Variants in MTMR14 observed in about 807,000 individuals in gnomAD.
The protein encoded by MTMR14 is myotubularin related protein 14.
A neutral mutation model predicts 86.3 loss-of-function variants in MTMR14; 48 were observed. The observed-to-expected ratio is 0.56, with a 90% CI of 0.44 to 0.71. The LOEUF is 0.71. Among genes scored for constraint, MTMR14 ranks in the 30% least tolerant of loss-of-function variants. The probability of loss-of-function intolerance (pLI) is 0.00; values close to 1 mark genes in which losing one functional copy is unlikely to be tolerated. For missense variants in MTMR14, 780 were observed against 834.6 expected, an observed-to-expected ratio of 0.93 and a Z score of 0.81; for synonymous variants, 366 against 326.1, an observed-to-expected ratio of 1.12 and a Z score of -1.32.
intron 9 of MTMR14, among the ~76,000 whole-genome samples, chr3:9,682,873 G>T (rs906780445): frequency 1.3e-5 from 2 of 152,050 alleles, no homozygotes; most frequent in African/African-American, 4.8e-5. Context: ...TGGGCAGGGG[G>T]CTCTGGGTCA....
Position 9,684,922 on chromosome 3 carries a change from A to G in MTMR14, c.1085A>G (p.Glu362Gly), listed in dbSNP as rs775986325. 6.8e-6 allele frequency: 11 copies of G among 1,614,116 alleles called. No homozygotes were observed. Among genetic ancestry groups the G allele is most frequent in the Non-Finnish European group, 8.5e-6 (10 of 1,180,004 alleles). ...ATCCACACGTCCCTGAAGCCCACTG[A>G]GATCCTCTACCTCACTGTGGCCTAT... is the stretch of plus-strand genomic sequence containing the variant. ...GLIHTSLKPT[E>G]ILYLTVAYDW... is the part of the protein sequence containing the mutation. The change falls in exon 12 of 19, where the codon GAG becomes GGG. Residue 362 changes from glutamate (E) to glycine (G), a missense_variant. Transcript: ENST00000296003.
chr3:9,681,196 T>G (rs776795176), intron 9 of MTMR14, among the ~76,000 whole-genome samples: 4 of 152,218 alleles, frequency 2.6e-5, no homozygotes, highest in Non-Finnish European at 4.4e-5. Flanking sequence ...AATGAATGAA[T>G]GATAGGAGCA....
At position 9,701,759 on chromosome 3, in the gene MTMR14, G is replaced by A. The variant is rs1440871843; in HGVS notation, c.1770-31G>A. 5.0e-6 allele frequency: 8 copies of A among 1,612,256 alleles called. No individual in the cohort carries two copies. Among genetic ancestry groups the A allele is most frequent in the Non-Finnish European group, 6.8e-6 (8 of 1,179,838 alleles). On this transcript the variant is annotated intron_variant, in intron 18 of 18. Transcript: ENST00000296003. This position sits in a 1 kb window ranked among gnomAD's most constrained non-coding sequence, Gnocchi z 4.2. Reference sequence around the variant, plus strand: ...ATACTGGGTCCTGTCCCAGGGTAATGTCTTTGTTCTTTCTCTTGACCTCCC... The same window carrying A: ...ATACTGGGTCCTGTCCCAGGGTAATATCTTTGTTCTTTCTCTTGACCTCCC...
intron 7 of MTMR14, among the ~76,000 whole-genome samples, chr3:9,676,604 C>G (rs1559588960): frequency 6.6e-6 from 1 of 152,334 alleles, no homozygotes; most frequent in East Asian, 1.9e-4. Context: ...GGCTTAGAGA[C>G]ATTAAACAAC....
chr3:9,663,436 T>C (rs1409836637), intron 3 of MTMR14, among the ~76,000 whole-genome samples: 4 of 151,486 alleles, frequency 2.6e-5, no homozygotes, highest in Non-Finnish European at 5.9e-5. Flanking sequence ...CTGTTGCCAC[T>C]TTGGAAAGTT....
intron 9 of MTMR14, among the ~76,000 whole-genome samples, chr3:9,680,509 C>T (rs574045696): frequency 6.6e-6 from 1 of 152,366 alleles, no homozygotes; most frequent in Non-Finnish European, 1.5e-5. Context: ...CTACCCAGCT[C>T]CATGCAGTCT....
At chr3:9,699,282 T>C (rs2076380716) in intron 18 of MTMR14, 1 of 151,804 alleles carries the variant, frequency 6.6e-6, no homozygotes, top group Admixed American at 6.6e-5. Flanking sequence ...ATAGCACTCC[T>C]CACTTACCTG....
intron 3 of MTMR14, among the ~76,000 whole-genome samples, chr3:9,665,421 G>A (rs1297394877): frequency 4.6e-5 from 7 of 152,172 alleles, no homozygotes; most frequent in East Asian, 1.9e-4. Flanking sequence ...GCTAAATAGC[G>A]GGTACGCATG....
intron 17 of MTMR14, among the ~76,000 whole-genome samples, chr3:9,696,515 CAG>C (rs1468657642): frequency 3.3e-5 from 5 of 152,200 alleles, no homozygotes; most frequent in African/African-American, 2.4e-5. Flanking sequence ...AAAACAAAAA[CAG>C]AAACCTCTTC....
chr3:9,671,446 T>C (rs2048561560), intron 6 of MTMR14, among the ~76,000 whole-genome samples: 1 of 152,072 alleles, frequency 6.6e-6, no homozygotes. Flanking sequence ...CCACCTTCTC[T>C]TACATATCTC....
chr3:9,661,531 T>A (rs1250996923), intron 2 of MTMR14, among the ~76,000 whole-genome samples: 1 of 152,136 alleles, frequency 6.6e-6, no homozygotes, highest in East Asian at 1.9e-4. Context: ...GACTGCTTGC[T>A]CTAAAAGATC....
chr3:9,674,974 G>C (rs562585190), intron 7 of MTMR14, among the ~76,000 whole-genome samples: 1 of 152,242 alleles, frequency 6.6e-6, no homozygotes, highest in African/African-American at 2.4e-5. Flanking sequence ...AGCCGGGCGC[G>C]GTGGCGCATG....
chr3:9,656,239 G>A (rs369542937), intron 2 of MTMR14, among the ~76,000 whole-genome samples: 2 of 152,102 alleles, frequency 1.3e-5, no homozygotes, highest in African/African-American at 4.8e-5. Flanking sequence ...GGTTGTAGTG[G>A]GGTTCTCCAA....
intron 1 of MTMR14, among the ~76,000 whole-genome samples, chr3:9,653,188 T>C (rs1022036641): frequency 2.0e-5 from 3 of 152,212 alleles, no homozygotes; most frequent in African/African-American, 7.2e-5. Context: ...TGAGCTGAGA[T>C]TGCCCCACTG....
At chr3:9,652,227 A>G (rs888928375) in intron 1 of MTMR14, among the ~76,000 whole-genome samples, 2 of 152,048 alleles carry the variant, frequency 1.3e-5, no homozygotes, top group South Asian at 2.1e-4. Context: ...GGTGCCTCCC[A>G]AAGTGCTGGG....
intron 1 of MTMR14, among the ~76,000 whole-genome samples, chr3:9,650,075 G>C (rs532486115): frequency 6.6e-6 from 1 of 152,238 alleles, no homozygotes; most frequent in African/African-American, 2.4e-5. Flanking sequence ...GGTGCCGTAG[G>C]ATGAGTTGTG....
rs1575092850 is a variant in MTMR14 at position 9,697,719 on chromosome 3, A to C, written c.1622A>C (p.Asp541Ala). ...PLEVPKPRSV[D>A]HPLPGSSLST... ...TCTCCTCTCTGCCCCAGATCAGTGG[A>C]CCATCCCCTGCCCGGATCCTCTCTC... Residue 541 changes from aspartate to alanine, a missense_variant, in exon 18 of 19, where the codon GAC (aspartate) becomes GCC (alanine). Coordinates refer to ENST00000296003, the MANE Select transcript of MTMR14 (RefSeq NM_001077525.3). 6.2e-7 allele frequency: 1 copy of C among 1,613,814 alleles called. No homozygotes were observed. Among genetic ancestry groups the C allele is most frequent in the Non-Finnish European group, 8.5e-7 (1 of 1,179,920 alleles).
chr3:9,685,344 G>A (rs1007535219), intron 13 of MTMR14, 97 bp downstream of exon 13: 19 of 1,475,826 alleles, frequency 1.3e-5, no homozygotes, highest in Non-Finnish European at 1.7e-5. Context: ...GCAGCTCCTT[G>A]CCCCAGGTGT....
At chr3:9,651,203 G>C (rs2047267798) in intron 1 of MTMR14, among the ~76,000 whole-genome samples, 1 of 152,116 alleles carries the variant, frequency 6.6e-6, no homozygotes, top group South Asian at 2.1e-4. Flanking sequence ...CTGGGTTTGA[G>C]CGATCCTCCC....
Sources: allele counts gnomAD v4.1 joint callset (sites outside exome capture counted in the v4.1 genomes callset), GRCh38; gene constraint gnomAD v4.1.1; non-coding constraint Gnocchi (gnomAD v3.1); transcripts MANE v1.5; gene names NCBI Gene and HGNC (gene_info 2026-07-23, HGNC 2026-07-21).